Variants in ITGA6 observed in about 807,000 individuals in gnomAD.
The protein encoded by ITGA6 is integrin subunit alpha 6, also known as integrin alpha-6.
A neutral mutation model predicts 133.6 loss-of-function variants in ITGA6; 63 were observed. That is an observed-to-expected ratio of 0.47 (90% CI 0.38 to 0.58). The LOEUF is 0.58. Ranked by LOEUF, ITGA6 falls within the 20% of genes least tolerant of loss-of-function variation. The pLI is 0.00. For missense variants in ITGA6, 1,068 were observed against 1,309.4 expected, an observed-to-expected ratio of 0.82 and a Z score of 2.85; for synonymous variants, 434 against 482.0, an observed-to-expected ratio of 0.90 and a Z score of 1.30.
chr2:172,460,090 C>T (rs1196364253), intron 1 of ITGA6, among the ~76,000 whole-genome samples: 1 of 152,172 alleles, frequency 6.6e-6, no homozygotes, highest in African/African-American at 2.4e-5. Context: ...GACCTTAATG[C>T]TAGGAACAGT....
intron 1 of ITGA6, among the ~76,000 whole-genome samples, chr2:172,458,658 A>G (rs1685310992): frequency 6.6e-6 from 1 of 152,178 alleles, no homozygotes. Flanking sequence ...AGCGAGCCAG[A>G]AATGGACCTT....
chr2:172,474,197 A>G lies in ITGA6; in HGVS notation c.918A>G (p.Ile306Met). The change falls in exon 6 of 26, where the codon ATA becomes ATG. Residue 306 changes from isoleucine to methionine, a missense_variant. This residue lies in a region of ITGA6 where 317 missense variants were observed against 456.9 expected (regional missense o/e 0.69). Transcript: ENST00000684293. ...CTGCACATCTCCTCCCTGAGCACAT[A>G]TTCGATGGAGAAGGTCTGGCCTCTT... Reference protein sequence around the residue: ...MKSAHLLPEHIFDGEGLASSF... With the variant: ...MKSAHLLPEHMFDGEGLASSF... The G allele has an allele frequency of 1.2e-6, 2 of 1,614,102 alleles. No homozygotes were observed. Among genetic ancestry groups the G allele is most frequent in the Non-Finnish European group, 8.5e-7 (1 of 1,180,022 alleles).
At chr2:172,437,154 T>G (rs1684354480) in intron 1 of ITGA6, among the ~76,000 whole-genome samples, 1 of 152,208 alleles carries the variant, frequency 6.6e-6, no homozygotes, top group Non-Finnish European at 1.5e-5. Context: ...AATGACTGGC[T>G]TTTACTCATG....
intron 1 of ITGA6, among the ~76,000 whole-genome samples, chr2:172,456,242 T>C (rs906982168): frequency 6.6e-6 from 1 of 152,228 alleles, no homozygotes; most frequent in Non-Finnish European, 1.5e-5. Context: ...GCCAGTGAGC[T>C]TTGACCAGAT....
chr2:172,459,555 G>A (rs1316135188), intron 1 of ITGA6, among the ~76,000 whole-genome samples: 1 of 152,114 alleles, frequency 6.6e-6, no homozygotes. Flanking sequence ...ATTTCCACTG[G>A]CAACACTGGA....
At chr2:172,435,794 T>A (rs1235394484) in intron 1 of ITGA6, among the ~76,000 whole-genome samples, 3 of 151,690 alleles carry the variant, frequency 2.0e-5, no homozygotes, top group Non-Finnish European at 4.4e-5. Context: ...CACCCAGCAA[T>A]TTTTTTGTGT....
Position 172,487,770 on chromosome 2 carries a change from G to A in ITGA6, c.2287G>A (p.Asp763Asn). 1.9e-6 allele frequency: 3 copies of A among 1,612,326 alleles called. No individual in the cohort carries two copies. The highest frequency in any genetic ancestry group is 2.5e-6 in the Non-Finnish European group (3 of 1,178,530). The change falls in exon 17 of 26, where the codon GAC becomes AAC. Residue 763 changes from aspartate (D) to asparagine (N), a missense_variant. This residue lies in a region of ITGA6 where 609 missense variants were observed against 707.2 expected (regional missense o/e 0.86). Transcript: ENST00000684293. The part of the protein sequence containing the change: ...LVLSTTEVTF[D>N]TPDLDINLKL... ...TTTAAGTACAACTGAAGTCACCTTTGACACCCCAGATCTGGATATTAATCT... is the reference window on the plus strand; with the variant it reads ...TTTAAGTACAACTGAAGTCACCTTTAACACCCCAGATCTGGATATTAATCT...
At chr2:172,462,678 T>C (rs560787323) in intron 1 of ITGA6, among the ~76,000 whole-genome samples, 44 of 152,268 alleles carry the variant, frequency 2.9e-4, no homozygotes, top group Non-Finnish European at 5.4e-4. Context: ...AAGTGGCAGA[T>C]AGAGGCTGAG....
At chr2:172,428,051 C>A in intron 1 of ITGA6, 81 bp downstream of exon 1, 2 of 1,466,248 alleles carry the variant, frequency 1.4e-6, no homozygotes, top group Non-Finnish European at 1.8e-6. Context: ...CTGTTCCCGC[C>A]GGCCCCGGGG....
intron 1 of ITGA6, among the ~76,000 whole-genome samples, chr2:172,445,343 T>C (rs994875575): frequency 2.0e-5 from 3 of 149,736 alleles, no homozygotes; most frequent in African/African-American, 2.4e-5. Flanking sequence ...CTTTTCTTTT[T>C]TTTTTTTTAA....
intron 1 of ITGA6, among the ~76,000 whole-genome samples, chr2:172,462,073 G>C (rs1369395976): frequency 6.6e-6 from 1 of 152,220 alleles, no homozygotes; most frequent in Non-Finnish European, 1.5e-5. Flanking sequence ...GCTTTACCTT[G>C]AGGATGAAGG....
rs1331130952 is a variant in ITGA6, at chr2:172,490,879, T to TA, written c.2680-144dup. On this transcript the variant is annotated intron_variant, in intron 20 of 25. Transcript: ENST00000684293. Reference sequence around the variant, plus strand: ...TGATAATACTTGCTGGTTTTACACTTACTTCTGTGCCTTTGGCAGGAGAGA... The same window carrying TA: ...TGATAATACTTGCTGGTTTTACACTTAACTTCTGTGCCTTTGGCAGGAGAGA... The TA allele has an allele frequency of 1.2e-5, 8 of 663,396 alleles. No homozygotes were observed. The Admixed American group carries it at 1.8e-4, about 15-fold the overall frequency. The allele number at this position is 663,396 out of a possible 1,614,324, so 41.1% of individuals were successfully genotyped here.
intron 2 of ITGA6, among the ~76,000 whole-genome samples, chr2:172,466,189 T>C (rs942016899): frequency 2.6e-5 from 4 of 152,242 alleles, no homozygotes; most frequent in Non-Finnish European, 4.4e-5. Flanking sequence ...ACATCCAGTG[T>C]ACCTGGCTTC....
At chr2:172,477,266 G>A (rs34094408) in intron 9 of ITGA6, among the ~76,000 whole-genome samples, 18,345 of 152,106 alleles carry the variant, frequency 0.12, 1,779 homozygotes, top group East Asian at 0.51. Flanking sequence ...AAAATGGTGC[G>A]ACATTTCCCA....
In ITGA6 at chr2:172,498,019, G is replaced by C; in HGVS notation, c.3033G>C (p.Ser1011=). The change falls in exon 24 of 26, where the codon TCG becomes TCC. Residue 1011 remains serine, a synonymous_variant. Coordinates refer to ENST00000684293, the MANE Select transcript of ITGA6 (RefSeq NM_000210.4). Reference sequence around the variant, plus strand: ...CCTCAAAGACTGTAGCTCAGTATTCGGGAGTACCTTGGTGGATCATCCTAG... The same window carrying C: ...CCTCAAAGACTGTAGCTCAGTATTCCGGAGTACCTTGGTGGATCATCCTAG... The part of the protein sequence containing the change: ...VFPSKTVAQY[S]GVPWWIILVA... 1.2e-6 allele frequency: 2 copies of C among 1,613,732 alleles called. No homozygotes were observed. The highest frequency in any genetic ancestry group is 1.7e-6 in the Non-Finnish European group (2 of 1,179,744).
At chr2:172,462,685 T>C (rs1483549716) in intron 1 of ITGA6, among the ~76,000 whole-genome samples, 1 of 152,158 alleles carries the variant, frequency 6.6e-6, no homozygotes, top group East Asian at 1.9e-4. Flanking sequence ...AGATAGAGGC[T>C]GAGGGAAGCC....
chr2:172,464,393 T>C (rs781065018), intron 1 of ITGA6: 1 of 152,328 alleles, frequency 6.6e-6, no homozygotes, highest in Non-Finnish European at 1.5e-5. Flanking sequence ...AGTGGCTTGT[T>C]TTCTGTTGTA....
At chr2:172,429,556 T>C (rs1416326477) in intron 1 of ITGA6, among the ~76,000 whole-genome samples, 1 of 152,162 alleles carries the variant, frequency 6.6e-6, no homozygotes, top group East Asian at 1.9e-4. Flanking sequence ...ACAAGAAATA[T>C]CCTGGCAGTG....
intron 24 of ITGA6, among the ~76,000 whole-genome samples, chr2:172,501,549 T>C (rs1687348125): frequency 6.6e-6 from 1 of 152,236 alleles, no homozygotes; most frequent in Non-Finnish European, 1.5e-5. Context: ...ATCAATGAGC[T>C]GACTAGTGTC....
Sources: gnomAD v4.1 joint callset for allele counts (sites outside exome capture counted in the v4.1 genomes callset) on GRCh38, gnomAD v4.1.1 for gene constraint, gnomAD v4.1.1 regional missense constraint, MANE v1.5 for transcripts, NCBI Gene and HGNC (gene_info 2026-07-23, HGNC 2026-07-21) for gene names.